Variants in RPRD1A observed in about 807,000 individuals in gnomAD.
RPRD1A encodes regulation of nuclear pre-mRNA domain containing 1A.
A neutral mutation model predicts 37.8 loss-of-function variants in RPRD1A; 9 were observed. The ratio of observed to expected loss-of-function variants is 0.24; its 90% CI spans 0.14 to 0.42. The LOEUF is 0.42. RPRD1A is among the 10% of genes least tolerant of loss of function. RPRD1A has a pLI of 1.00. For missense variants in RPRD1A, 255 were observed against 371.0 expected (o/e 0.69, Z 2.57); for synonymous variants, 138 against 139.7 (o/e 0.99, Z 0.08).
chr18:36,034,758 G>A (rs1912071291), intron 1 of RPRD1A, among the ~76,000 whole-genome samples: 1 of 152,120 alleles, frequency 6.6e-6, no homozygotes, highest in African/African-American at 2.4e-5. Flanking sequence ...TATCTTATTG[G>A]ATTTAAGACA....
intron 1 of RPRD1A, among the ~76,000 whole-genome samples, chr18:36,059,581 A>G (rs894890176): frequency 1.3e-5 from 2 of 152,206 alleles, no homozygotes; most frequent in Non-Finnish European, 2.9e-5. Context: ...TAAACAAAAG[A>G]TTTAGAATCT....
At chr18:36,018,292 AAG>A (rs1555671870) in intron 6 of RPRD1A, among the ~76,000 whole-genome samples, 8 of 150,084 alleles carry the variant, frequency 5.3e-5, no homozygotes, top group South Asian at 4.2e-4. Flanking sequence ...TTTTTTTTTA[AAG>A]AAGGAGTCTC....
intron 2 of RPRD1A, among the ~76,000 whole-genome samples, chr18:36,033,128 C>A (rs1387828910): frequency 6.6e-6 from 1 of 151,710 alleles, no homozygotes; most frequent in Non-Finnish European, 1.5e-5. Context: ...ATGGTGAAAC[C>A]TTGTCTCTAC....
intron 6 of RPRD1A, among the ~76,000 whole-genome samples, chr18:36,009,762 G>A (rs1056164580): frequency 1.3e-5 from 2 of 152,186 alleles, no homozygotes; most frequent in South Asian, 2.1e-4. Flanking sequence ...ACAGCCACAC[G>A]TGGCTAGTGA....
intron 6 of RPRD1A, among the ~76,000 whole-genome samples, chr18:36,003,693 AT>A (rs1353780254): frequency 6.6e-6 from 1 of 152,228 alleles, no homozygotes; most frequent in East Asian, 1.9e-4. Context: ...AAACTTCCAT[AT>A]TCTGCTCTTT....
intron 1 of RPRD1A, chr18:36,040,917 A>G (rs1427342985): frequency 2.8e-6 from 3 of 1,072,550 alleles, no homozygotes; most frequent in Non-Finnish European, 2.6e-6. Context: ...CTAGAATTAA[A>G]TAGTTCTTTA....
At chr18:36,048,345 C>A (rs1174752235) in intron 1 of RPRD1A, among the ~76,000 whole-genome samples, 1 of 152,042 alleles carries the variant, frequency 6.6e-6, no homozygotes, top group African/African-American at 2.4e-5. Context: ...GGATTACAGG[C>A]GTGAGCCACC....
intron 1 of RPRD1A, among the ~76,000 whole-genome samples, chr18:36,065,963 G>C (rs190961698): frequency 7.8e-4 from 119 of 151,650 alleles, no homozygotes; most frequent in African/African-American, 2.7e-3. Context: ...AATGCTCTCT[G>C]CAAAAACAAA....
At chr18:36,013,877 T>C (rs1910328230) in intron 6 of RPRD1A, among the ~76,000 whole-genome samples, 1 of 152,094 alleles carries the variant, frequency 6.6e-6, no homozygotes, top group Non-Finnish European at 1.5e-5. Context: ...ACCAACAAAA[T>C]GATCTATCTA....
chr18:36,004,947 TA>T (rs1208863336), intron 6 of RPRD1A, among the ~76,000 whole-genome samples: 5 of 151,298 alleles, frequency 3.3e-5, no homozygotes, highest in Non-Finnish European at 7.4e-5. Flanking sequence ...TAGAAGACAA[TA>T]TAAATCTGGC....
intron 1 of RPRD1A, among the ~76,000 whole-genome samples, chr18:36,061,574 G>A (rs2088911649): frequency 6.6e-6 from 1 of 152,160 alleles, no homozygotes; most frequent in Admixed American, 6.5e-5. Context: ...TATGTTCATG[G>A]TCAATATTTC....
intron 6 of RPRD1A, among the ~76,000 whole-genome samples, chr18:36,018,223 T>C (rs1910736217): frequency 6.6e-6 from 1 of 152,144 alleles, no homozygotes; most frequent in Non-Finnish European, 1.5e-5. Context: ...TTTTCTGATT[T>C]AGCTACAAGT....
intron 6 of RPRD1A, among the ~76,000 whole-genome samples, chr18:36,002,571 G>A (rs186068601): frequency 1.5e-3 from 230 of 152,060 alleles, no homozygotes; most frequent in African/African-American, 5.3e-3. Flanking sequence ...CATTTGCTTT[G>A]GATTTTTTCT....
intron 6 of RPRD1A, among the ~76,000 whole-genome samples, chr18:36,004,000 CT>C (rs34397005): frequency 0.068 from 5,792 of 85,190 alleles, 65 homozygotes; most frequent in African/African-American, 0.11. Flanking sequence ...CAGACACAGA[CT>C]TTTTTTTTTT....
chr18:36,018,210 T>C (rs1910735228), intron 6 of RPRD1A, among the ~76,000 whole-genome samples: 1 of 152,206 alleles, frequency 6.6e-6, no homozygotes, highest in Admixed American at 6.5e-5. Flanking sequence ...TAAAGTATCA[T>C]TCTTTTCTGA....
intron 1 of RPRD1A, among the ~76,000 whole-genome samples, chr18:36,048,991 T>C (rs1913172592): frequency 6.6e-6 from 1 of 152,212 alleles, no homozygotes; most frequent in African/African-American, 2.4e-5. Flanking sequence ...AACCTCCGCC[T>C]CCCAGGTTCA....
intron 1 of RPRD1A, among the ~76,000 whole-genome samples, chr18:36,064,741 C>T (rs2088989477): frequency 6.6e-6 from 1 of 152,182 alleles, no homozygotes; most frequent in Non-Finnish European, 1.5e-5. Flanking sequence ...AAACCAGCAG[C>T]AACAACCCGC....
intron 6 of RPRD1A, among the ~76,000 whole-genome samples, chr18:36,008,224 TCTTA>T (rs893793355): frequency 6.6e-6 from 1 of 152,122 alleles, no homozygotes; most frequent in Non-Finnish European, 1.5e-5. Context: ...TTACCTAAGA[TCTTA>T]CTAATTTTAA....
intron 6 of RPRD1A, among the ~76,000 whole-genome samples, chr18:36,011,065 G>A (rs934430745): frequency 9.2e-5 from 14 of 152,156 alleles, no homozygotes; most frequent in Non-Finnish European, 1.8e-4. Flanking sequence ...CTGGTTAAAC[G>A]CTAGAGATAT....
Sources: allele counts gnomAD v4.1 joint callset (sites outside exome capture counted in the v4.1 genomes callset), GRCh38; gene constraint gnomAD v4.1.1; transcripts MANE v1.5; gene names NCBI Gene and HGNC (gene_info 2026-07-23, HGNC 2026-07-21).